Variants in MAP3K5 observed in about 807,000 individuals in gnomAD.
MAP3K5 encodes the protein mitogen-activated protein kinase kinase kinase 5, also known as ASK-1.
In MAP3K5, 56 loss-of-function variants were observed where a neutral mutation model predicts 158.7. The observed-to-expected ratio is 0.35, with a 90% CI of 0.28 to 0.44. The LOEUF is 0.44. MAP3K5 is among the 20% of genes least tolerant of loss of function. The probability of loss-of-function intolerance (pLI) is 1.00; values close to 1 mark genes in which losing one functional copy is unlikely to be tolerated. For synonymous variants in MAP3K5, 579 were observed against 601.7 expected (o/e 0.96, Z 0.55); for missense variants, 1,294 against 1,674.8 (o/e 0.77, Z 3.97).
intron 14 of MAP3K5, among the ~76,000 whole-genome samples, chr6:136,623,758 A>T (rs1051366173): frequency 1.3e-5 from 2 of 152,234 alleles, no homozygotes; most frequent in Non-Finnish European, 1.5e-5. Context: ...ATGTCCCTGT[A>T]GAAACCCAGC....
chr6:136,571,478 C>A (rs890077085), intron 25 of MAP3K5, among the ~76,000 whole-genome samples: 1 of 152,178 alleles, frequency 6.6e-6, no homozygotes, highest in Admixed American at 6.5e-5. Flanking sequence ...AGTGAAAAAA[C>A]CATAAAATTA....
Position 136,702,097 on chromosome 6 carries a change from T to C in MAP3K5, c.612+3013A>G, listed in dbSNP as rs190922603. ...AAGGCTTCAGAGTCTTCGCTGAAAA[T>C]ACCTAAGCATGCTAAGGGTTTTCCC... On this transcript the variant is annotated intron_variant, in intron 3 of 29. Coordinates refer to ENST00000359015, the MANE Select transcript of MAP3K5 (RefSeq NM_005923.4). 5.7e-3 allele frequency among the ~76,000 whole-genome samples: 871 copies of C among 152,076 alleles called. 4 individuals are homozygous for C. Among genetic ancestry groups the C allele is most frequent in the Non-Finnish European group, 8.8e-3 (595 of 67,986 alleles).
Position 136,792,278 on chromosome 6 carries a change from C to A in MAP3K5, c.-121G>T. On this transcript the variant is annotated 5_prime_UTR_variant, in exon 1 of 30. It adds an upstream start codon to the 5' untranslated region. Transcript: ENST00000359015. The surrounding 1 kb of genome is among the most constrained non-coding windows in gnomAD (Gnocchi z 5.7). Reference sequence around the variant, plus strand: ...AGCAGCTGCCATCGCGCGCCGCGCCCTCGCCGCCGCGCCGCCGCCTCCTCT... The same window carrying A: ...AGCAGCTGCCATCGCGCGCCGCGCCATCGCCGCCGCGCCGCCGCCTCCTCT... The A allele has an allele frequency of 8.9e-7, 1 of 1,117,366 alleles. No individual in the cohort carries two copies. The highest frequency in any genetic ancestry group is 4.2e-5 in the South Asian group (1 of 23,660). 69.2% of individuals were successfully genotyped at this position (1,117,366 alleles called of 1,614,324 possible). A position where few individuals can be genotyped will look rare whatever the true frequency, so the allele number is the denominator to read the frequency against.
rs1334359231 is a variant in MAP3K5, at chr6:136,720,114, G to A, written c.588+336C>T. Among the ~76,000 whole-genome samples the A allele has an allele frequency of 2.0e-5, 3 of 152,146 alleles. No homozygotes were observed. The East Asian group carries it at 5.8e-4, about 29-fold the overall frequency. On this transcript the variant is annotated intron_variant, in intron 2 of 29. Coordinates refer to ENST00000359015, the MANE Select transcript of MAP3K5 (RefSeq NM_005923.4). The stretch of plus-strand genomic sequence containing the variant: ...TAGTTGGGAGACTGGTGGGCACCAT[G>A]AAGCTCCCAAAAGTGACAAAGCATG...
chr6:136,781,818 T>C (rs1784623661), intron 1 of MAP3K5, among the ~76,000 whole-genome samples: 1 of 152,204 alleles, frequency 6.6e-6, no homozygotes, highest in Admixed American at 6.5e-5. Context: ...GCCAAAGCGG[T>C]GGCCCCTGGA....
chr6:136,619,445 C>T (rs763663964), intron 15 of MAP3K5, among the ~76,000 whole-genome samples: 1 of 152,152 alleles, frequency 6.6e-6, no homozygotes, highest in Non-Finnish European at 1.5e-5. Context: ...TTTCTTAGAG[C>T]AGTTCGTAAG....
intron 11 of MAP3K5, among the ~76,000 whole-genome samples, chr6:136,643,619 G>T (rs369529839): frequency 1.1e-4 from 17 of 152,280 alleles, no homozygotes; most frequent in African/African-American, 3.4e-4. Context: ...TTCTTTGCTA[G>T]GTCCATGCAA....
intron 11 of MAP3K5, among the ~76,000 whole-genome samples, chr6:136,649,285 A>G (rs1562578464): frequency 6.6e-6 from 1 of 152,190 alleles, no homozygotes; most frequent in Non-Finnish European, 1.5e-5. Flanking sequence ...CTGCCATTTA[A>G]TTAAACCAGC....
intron 10 of MAP3K5, among the ~76,000 whole-genome samples, chr6:136,654,780 A>AT (rs142795350): frequency 0.12 from 18,780 of 151,724 alleles, 1,294 homozygotes; most frequent in East Asian, 0.22. Flanking sequence ...ACTTTATAGG[A>AT]TTTTTTTGCA....
intron 7 of MAP3K5, among the ~76,000 whole-genome samples, chr6:136,678,209 C>T (rs1188152344): frequency 1.3e-5 from 2 of 151,860 alleles, no homozygotes; most frequent in East Asian, 1.9e-4. Flanking sequence ...ATAAATATTG[C>T]TTTTATATTA....
At chr6:136,729,642 G>A (rs187097609) in intron 1 of MAP3K5, among the ~76,000 whole-genome samples, 6 of 152,318 alleles carry the variant, frequency 3.9e-5, no homozygotes, top group Non-Finnish European at 7.4e-5. Context: ...CCAACATAAA[G>A]AATTTTGACT....
chr6:136,570,993 GGA>G (rs1337654322), intron 25 of MAP3K5, among the ~76,000 whole-genome samples: 1 of 152,132 alleles, frequency 6.6e-6, no homozygotes, highest in African/African-American at 2.4e-5. Flanking sequence ...TGCCAATTCT[GGA>G]GAGAGTCCAC....
intron 1 of MAP3K5, among the ~76,000 whole-genome samples, chr6:136,743,232 T>C (rs1472057278): frequency 3.9e-5 from 6 of 152,166 alleles, no homozygotes; most frequent in Admixed American, 2.6e-4. Flanking sequence ...GGGTAGATCA[T>C]GAGGTCACGA....
chr6:136,561,026 AT>A (rs1356130820), intron 28 of MAP3K5, among the ~76,000 whole-genome samples: 3 of 151,666 alleles, frequency 2.0e-5, no homozygotes, highest in Non-Finnish European at 4.4e-5. Context: ...GAAACAAGAA[AT>A]TTTTTCTTTT....
At chr6:136,760,894 G>A (rs1783721647) in intron 1 of MAP3K5, among the ~76,000 whole-genome samples, 1 of 152,170 alleles carries the variant, frequency 6.6e-6, no homozygotes, top group Non-Finnish European at 1.5e-5. Flanking sequence ...GGCTTGAGCT[G>A]GGAGGCAGAT....
chr6:136,647,201 C>G (rs1778300042), intron 11 of MAP3K5, among the ~76,000 whole-genome samples: 1 of 152,166 alleles, frequency 6.6e-6, no homozygotes, highest in Non-Finnish European at 1.5e-5. Context: ...CTTCAGAAAT[C>G]AAATGTCAAG....
In MAP3K5 at chr6:136,656,447, T is replaced by C. The variant is rs776738709; in HGVS notation, c.1540A>G (p.Ile514Val). Residue 514 changes from isoleucine (I) to valine (V), a missense_variant, in exon 10 of 30, where the codon ATT becomes GTT. Physicochemically the swap from Ile to Val is conservative, Grantham distance 29. This residue lies in a region of MAP3K5 where 690 missense variants were observed against 870.5 expected (regional missense o/e 0.79). Coordinates refer to ENST00000359015, the MANE Select transcript of MAP3K5 (RefSeq NM_005923.4). Reference sequence around the variant, plus strand: ...TTATATATTAAAATTGTCTCTACAATAGACTTGAGGTACCTGAGAAGGAAA... The same window carrying C: ...TTATATATTAAAATTGTCTCTACAACAGACTTGAGGTACCTGAGAAGGAAA... ...LKTPAWYLKS[I>V]VETILIYKHF... 1 of 1,583,922 alleles carries C rather than the reference T, an allele frequency of 6.3e-7. No individual in the cohort carries two copies. Among genetic ancestry groups the C allele is most frequent in the African/African-American group, 1.4e-5 (1 of 73,492 alleles).
In MAP3K5 at chr6:136,694,307, TCTC is replaced by T; in HGVS notation, c.1083_1085del (p.Arg362del). The T allele has an allele frequency of 6.2e-7, 1 of 1,609,096 alleles. No homozygotes were observed. The highest frequency in any genetic ancestry group is 8.5e-7 in the Non-Finnish European group (1 of 1,179,344). ...CTTTTGCTCTGTCACCAGGGAGATT[TCTC>T]CTAAGGCAGAAAACATTGTTGTTTC... On this transcript the variant is annotated inframe_deletion and splice_region_variant, in exon 7 of 30. Coordinates refer to ENST00000359015, the MANE Select transcript of MAP3K5 (RefSeq NM_005923.4).
intron 7 of MAP3K5, among the ~76,000 whole-genome samples, chr6:136,692,413 G>A (rs1780426408): frequency 6.6e-6 from 1 of 152,182 alleles, no homozygotes. Flanking sequence ...CAATAAGACT[G>A]TGATTTCCTG....
Sources: gnomAD v4.1 joint callset for allele counts (sites outside exome capture counted in the v4.1 genomes callset) on GRCh38, gnomAD v4.1.1 for gene constraint, gnomAD v4.1.1 regional missense constraint, Gnocchi (gnomAD v3.1) non-coding constraint, MANE v1.5 for transcripts, NCBI Gene and HGNC (gene_info 2026-07-23, HGNC 2026-07-21) for gene names.